Variants in ARB2A observed in about 807,000 individuals in gnomAD.
ARB2A encodes cotranscriptional regulator ARB2A.
chr5:93,824,331 A>G, the ARB2A span: 2 of 1,157,494 alleles, frequency 1.7e-6, no homozygotes, highest in African/African-American at 3.1e-5. Flanking sequence ...GCAAACAACA[A>G]TTAAATTATA....
chr5:93,994,703 A>G, the ARB2A span, among the ~76,000 whole-genome samples: 1 of 152,082 alleles, frequency 6.6e-6, no homozygotes, highest in African/African-American at 2.4e-5. Context: ...AAAAAAATTA[A>G]GAAGCCTGGG....
At chr5:93,665,818 T>C in the ARB2A span, among the ~76,000 whole-genome samples, 3 of 152,202 alleles carry the variant, frequency 2.0e-5, no homozygotes, top group South Asian at 4.1e-4. Flanking sequence ...GCTTTTTATC[T>C]GCATGTGTAC....
chr5:93,628,052 ATTTTTTT>A, the ARB2A span, among the ~76,000 whole-genome samples: 73 of 68,336 alleles, frequency 1.1e-3, no homozygotes, highest in Non-Finnish European at 1.6e-3. Flanking sequence ...ATGTAGCATA[ATTTTTTT>A]TTTTTTTTTT....
At chr5:93,950,668 A>G in the ARB2A span, among the ~76,000 whole-genome samples, 9 of 151,912 alleles carry the variant, frequency 5.9e-5, no homozygotes, top group East Asian at 1.9e-4. Context: ...AAAATAGGCC[A>G]GGCACAGTGG....
the ARB2A span, among the ~76,000 whole-genome samples, chr5:93,712,835 A>G: frequency 1.3e-5 from 2 of 152,192 alleles, no homozygotes. Flanking sequence ...CCAAAACAAC[A>G]TGGTACTGGC....
the ARB2A span, among the ~76,000 whole-genome samples, chr5:93,768,013 A>C: frequency 6.7e-6 from 1 of 150,348 alleles, no homozygotes; most frequent in African/African-American, 2.4e-5. Context: ...AAAAAAAAAA[A>C]AAAAAAAAAA....
At chr5:93,672,285 G>T in the ARB2A span, among the ~76,000 whole-genome samples, 1 of 151,816 alleles carries the variant, frequency 6.6e-6, no homozygotes, top group African/African-American at 2.4e-5. Context: ...AAAAAGTAGT[G>T]ATAGAAATGT....
chr5:93,990,751 A>G, the ARB2A span, among the ~76,000 whole-genome samples: 1 of 152,122 alleles, frequency 6.6e-6, no homozygotes. Context: ...AGACAACTGT[A>G]TAAAATGTAT....
chr5:93,730,676 C>G, the ARB2A span, among the ~76,000 whole-genome samples: 1 of 152,130 alleles, frequency 6.6e-6, no homozygotes. Context: ...CTGTTCAGTA[C>G]ATTAGCTTGA....
At chr5:93,789,737 T>C in the ARB2A span, among the ~76,000 whole-genome samples, 1 of 152,216 alleles carries the variant, frequency 6.6e-6, no homozygotes, top group Non-Finnish European at 1.5e-5. Flanking sequence ...TCTGTTAAGG[T>C]CAGAGACTAC....
At chr5:93,914,406 T>C in the ARB2A span, among the ~76,000 whole-genome samples, 2 of 151,966 alleles carry the variant, frequency 1.3e-5, no homozygotes, top group Non-Finnish European at 2.9e-5. Context: ...TCTTAAGTTA[T>C]ATGCAGTTAA....
the ARB2A span, among the ~76,000 whole-genome samples, chr5:93,633,529 C>G: frequency 6.6e-6 from 1 of 152,182 alleles, no homozygotes; most frequent in Non-Finnish European, 1.5e-5. Flanking sequence ...TATCCCCTAT[C>G]CTGTCAGGTC....
the ARB2A span, among the ~76,000 whole-genome samples, chr5:93,967,823 G>C: frequency 1.3e-5 from 2 of 151,978 alleles, no homozygotes; most frequent in Non-Finnish European, 1.5e-5. Flanking sequence ...GCCCAGCTCC[G>C]GCTCATTTAA....
At chr5:93,978,312 T>C in the ARB2A span, among the ~76,000 whole-genome samples, 1 of 152,104 alleles carries the variant, frequency 6.6e-6, no homozygotes, top group African/African-American at 2.4e-5. Context: ...ATACCTGCAC[T>C]CATATGTTTA....
the ARB2A span, among the ~76,000 whole-genome samples, chr5:93,967,015 T>TAA: frequency 7.1e-6 from 1 of 140,334 alleles, no homozygotes; most frequent in African/African-American, 2.6e-5. Flanking sequence ...GTTCAAGATT[T>TAA]AAAAAAAAAA....
chr5:93,779,135 G>GCA, the ARB2A span, among the ~76,000 whole-genome samples: 10 of 151,826 alleles, frequency 6.6e-5, no homozygotes, highest in South Asian at 1.9e-3. Context: ...GCGCGCGCGC[G>GCA]CGCACGTGCA....
the ARB2A span, among the ~76,000 whole-genome samples, chr5:94,101,341 C>T: frequency 1.8e-4 from 27 of 152,010 alleles, no homozygotes; most frequent in African/African-American, 6.3e-4. Flanking sequence ...GATACATTGT[C>T]GGTAGGAGTG....
At chr5:93,741,207 G>A in the ARB2A span, 1 of 1,613,866 alleles carries the variant, frequency 6.2e-7, no homozygotes, top group African/African-American at 1.3e-5. Context: ...GTATGCCCGA[G>A]ATGTCCTCTG....
the ARB2A span, among the ~76,000 whole-genome samples, chr5:93,903,749 TCCTAGCCACATAGCAG>T: frequency 4.8e-5 from 7 of 146,152 alleles, no homozygotes; most frequent in South Asian, 2.2e-4. Context: ...GTGTGTATAG[TCCTAGCCACATAGCAG>T]ATAGTCCTAG....
Sources: allele counts gnomAD v4.1 joint callset (sites outside exome capture counted in the v4.1 genomes callset), GRCh38; gene constraint gnomAD v4.1.1; transcripts MANE v1.5; gene names NCBI Gene and HGNC (gene_info 2026-07-23, HGNC 2026-07-21).